The following DACH2 variants were observed in gnomAD, a reference collection of about 807,000 sequenced individuals.
DACH2 encodes the protein dachshund homolog 2.
A neutral mutation model predicts 35.8 loss-of-function variants in DACH2; 17 were observed. The ratio of observed to expected loss-of-function variants is 0.48; its 90% CI spans 0.33 to 0.71. The LOEUF is 0.71. DACH2 is among the 30% of genes least tolerant of loss of function. The pLI, the probability that DACH2 is intolerant of heterozygous loss-of-function variation, is 0.02. For missense variants in DACH2, 469 were observed against 472.7 expected, an observed-to-expected ratio of 0.99 and a Z score of 0.07; for synonymous variants, 195 against 177.3, an observed-to-expected ratio of 1.10 and a Z score of -0.79.
At position 86,745,672 on chromosome X, in the gene DACH2, C is replaced by T. The variant is rs148296099; in HGVS notation, c.1240+5790C>T. Among the ~76,000 whole-genome samples the T allele has an allele frequency of 7.6e-4, 84 of 111,197 alleles. 2 individuals carry two copies. The highest frequency in any genetic ancestry group is 3.1e-3 in the East Asian group (11 of 3,515). On this transcript the variant is annotated intron_variant, in intron 7 of 11. Coordinates refer to ENST00000373125, the MANE Select transcript of DACH2 (RefSeq NM_053281.3). Reference sequence around the variant, plus strand: ...ATGGGCATTTAGGTTGATTTAACGTCTCTGCTCTTGTGAACAGTGCTGCAA... The same window carrying T: ...ATGGGCATTTAGGTTGATTTAACGTTTCTGCTCTTGTGAACAGTGCTGCAA...
intron 1 of DACH2, among the ~76,000 whole-genome samples, chrX:86,254,781 A>AATAAATATATAT (rs1293621423): frequency 4.4e-5 from 1 of 22,593 alleles, no homozygotes; most frequent in Admixed American, 9.0e-4. Flanking sequence ...CAAATAAATA[A>AATAAATATATAT]ATATATATAT....
At chrX:86,524,537 A>C (rs2038603930) in intron 3 of DACH2, among the ~76,000 whole-genome samples, 2 of 112,199 alleles carry the variant, frequency 1.8e-5, no homozygotes, top group Non-Finnish European at 3.8e-5. Context: ...GTTTAGACTA[A>C]CATGCATTTG....
chrX:86,157,360 A>G (rs1214370016), intron 1 of DACH2, among the ~76,000 whole-genome samples: 1 of 111,576 alleles, frequency 9.0e-6, no homozygotes, highest in African/African-American at 3.3e-5. Context: ...TCTGCTATTT[A>G]TGTGATGGGT....
chrX:86,202,988 G>C (rs755475057), intron 1 of DACH2, among the ~76,000 whole-genome samples: 1 of 110,822 alleles, frequency 9.0e-6, no homozygotes, highest in Non-Finnish European at 1.9e-5. Flanking sequence ...TAAAGTTAAA[G>C]CTTTAGTTTC....
intron 2 of DACH2, among the ~76,000 whole-genome samples, chrX:86,441,031 C>T (rs763070506): frequency 9.0e-6 from 1 of 110,863 alleles, no homozygotes; most frequent in South Asian, 3.8e-4. Context: ...ATTCTACTCT[C>T]TTCTTCTATA....
chrX:86,398,289 A>C (rs1252239431), intron 2 of DACH2, among the ~76,000 whole-genome samples: 1 of 111,318 alleles, frequency 9.0e-6, no homozygotes, highest in African/African-American at 3.3e-5. Flanking sequence ...TTTCTTCTTT[A>C]TTAGTCTTGC....
chrX:86,487,656 ACTTTT>A (rs1412576449), intron 2 of DACH2, among the ~76,000 whole-genome samples: 2 of 112,150 alleles, frequency 1.8e-5, no homozygotes, highest in African/African-American at 3.2e-5. Context: ...ATTTTAATCA[ACTTTT>A]CTTTTACTTC....
At chrX:86,271,219 C>T (rs2033809045) in intron 1 of DACH2, among the ~76,000 whole-genome samples, 1 of 111,846 alleles carries the variant, frequency 8.9e-6, no homozygotes, top group East Asian at 2.8e-4. Context: ...CATCAAGGCT[C>T]TTCAAGAATT....
At chrX:86,444,537 G>A (rs1013931718) in intron 2 of DACH2, among the ~76,000 whole-genome samples, 1 of 111,638 alleles carries the variant, frequency 9.0e-6, no homozygotes, top group African/African-American at 3.3e-5. Context: ...TTCAACCTTC[G>A]TAGGTTGTAT....
intron 1 of DACH2, among the ~76,000 whole-genome samples, chrX:86,153,390 T>C (rs1315951252): frequency 9.0e-6 from 1 of 111,504 alleles, no homozygotes; most frequent in Non-Finnish European, 1.9e-5. Context: ...TTTCAAATAC[T>C]AGAAATATGG....
chrX:86,332,612 A>T (rs969967726), intron 1 of DACH2, among the ~76,000 whole-genome samples: 1 of 110,853 alleles, frequency 9.0e-6, no homozygotes, highest in Non-Finnish European at 1.9e-5. Context: ...TATAAACGTA[A>T]CACTAACATC....
At chrX:86,361,617 A>G (rs2035740805) in intron 1 of DACH2, among the ~76,000 whole-genome samples, 1 of 111,886 alleles carries the variant, frequency 8.9e-6, no homozygotes, top group South Asian at 3.6e-4. Flanking sequence ...AATTGATGCC[A>G]TTAAGACTTT....
At position 86,453,399 on chromosome X, in the gene DACH2, A is replaced by G. The variant is rs187887019; in HGVS notation, c.528-60880A>G. The stretch of plus-strand genomic sequence containing the variant: ...TTTCTGTCTCATTGGTCTATCTTAT[A>G]TTGTCAGTGAGGTTTTAACTTCTTC... On this transcript the variant is annotated intron_variant, in intron 2 of 11. Coordinates refer to ENST00000373125, the MANE Select transcript of DACH2 (RefSeq NM_053281.3). 4.5e-4 allele frequency among the ~76,000 whole-genome samples: 50 copies of G among 111,746 alleles called. 1 individual carries two copies. The East Asian group carries it at 0.012, about 26-fold the overall frequency.
At chrX:86,617,248 CT>C (rs1299962152) in intron 3 of DACH2, among the ~76,000 whole-genome samples, 25 of 109,000 alleles carry the variant, frequency 2.3e-4, no homozygotes, top group African/African-American at 3.7e-4. Flanking sequence ...TATTTAGGCT[CT>C]TTTTTTTGTT....
intron 3 of DACH2, among the ~76,000 whole-genome samples, chrX:86,638,581 T>G (rs1194862304): frequency 1.8e-5 from 2 of 111,214 alleles, no homozygotes; most frequent in African/African-American, 6.6e-5. Context: ...AAAGACCCCA[T>G]TAACAAGCAG....
chrX:86,616,342 C>A (rs932956740), intron 3 of DACH2, among the ~76,000 whole-genome samples: 1 of 111,658 alleles, frequency 9.0e-6, no homozygotes, highest in Non-Finnish European at 1.9e-5. Context: ...TTTGAGGAAT[C>A]GCCACATTGT....
At position 86,315,788 on chromosome X, in the gene DACH2, GACACACACACACACACACACAC is replaced by G. The variant is rs774427717; in HGVS notation, c.489-61004_489-60983del. ...ACGGCCAAGGAAATTGAGGGTCGTG[GACACACACACACACACACACAC>G]ACACACACACACACACACACACACA... On this transcript the variant is annotated intron_variant, in intron 1 of 11. Transcript: ENST00000373125. Among the ~76,000 whole-genome samples the G allele has an allele frequency of 4.5e-4, 35 of 78,505 alleles. 1 individual carries two copies. Among genetic ancestry groups the G allele is most frequent in the Non-Finnish European group, 6.7e-4 (28 of 41,674 alleles). The allele number at this position is 78,505 out of a possible 115,157, so 68.2% of individuals were successfully genotyped here.
chrX:86,221,065 G>A (rs1330077384), intron 1 of DACH2, among the ~76,000 whole-genome samples: 3 of 111,271 alleles, frequency 2.7e-5, no homozygotes, highest in African/African-American at 9.8e-5. Flanking sequence ...TTAGTTTGAT[G>A]TAGTTCTGCT....
intron 7 of DACH2, among the ~76,000 whole-genome samples, chrX:86,801,960 T>C (rs958194727): frequency 8.0e-5 from 9 of 112,090 alleles, no homozygotes; most frequent in Admixed American, 1.9e-4. Context: ...AACCTCTATA[T>C]CTAGAAAACC....
Sources: gnomAD v4.1 joint callset for allele counts (sites outside exome capture counted in the v4.1 genomes callset) on GRCh38, gnomAD v4.1.1 for gene constraint, MANE v1.5 for transcripts, NCBI Gene and HGNC (gene_info 2026-07-23, HGNC 2026-07-21) for gene names.